FAM184A: variants seen among roughly 807,000 people sequenced by gnomAD.
FAM184A encodes the protein protein FAM184A.
Under a neutral mutation model 143.8 loss-of-function variants are expected in FAM184A, and 99 were observed. The ratio of observed to expected loss-of-function variants is 0.69; its 90% CI spans 0.58 to 0.81. The LOEUF is 0.81. FAM184A is among the 40% of genes least tolerant of loss of function. The probability of loss-of-function intolerance (pLI) is 0.00; values close to 1 mark genes in which losing one functional copy is unlikely to be tolerated. For missense variants in FAM184A, 1,217 were observed against 1,310.5 expected (o/e 0.93, Z 1.10); for synonymous variants, 427 against 446.4 (o/e 0.96, Z 0.55).
At chr6:118,994,920 T>A (rs1784501181) in intron 9 of FAM184A, among the ~76,000 whole-genome samples, 1 of 152,146 alleles carries the variant, frequency 6.6e-6, no homozygotes, top group African/African-American at 2.4e-5. Context: ...GTACAAGATA[T>A]TACACATGCA....
At chr6:118,992,395 C>T (rs1784407326) in intron 9 of FAM184A, among the ~76,000 whole-genome samples, 1 of 152,088 alleles carries the variant, frequency 6.6e-6, no homozygotes, top group South Asian at 2.1e-4. Flanking sequence ...AGCCTAACCT[C>T]CAGTGTGAGG....
intron 1 of FAM184A, among the ~76,000 whole-genome samples, chr6:119,042,610 AT>A (rs1204289631): frequency 5.3e-5 from 8 of 152,148 alleles, no homozygotes; most frequent in Admixed American, 1.3e-4. Flanking sequence ...AGCACAGAGG[AT>A]TTTTAGGGCA....
At chr6:119,093,515 T>G (rs953878691) in intron 1 of FAM184A, among the ~76,000 whole-genome samples, 2 of 152,246 alleles carry the variant, frequency 1.3e-5, no homozygotes, top group Non-Finnish European at 2.9e-5. Context: ...AGAATTTTTC[T>G]GTAATTCTTT....
At chr6:119,002,424 G>T (rs1784791816) in intron 9 of FAM184A, among the ~76,000 whole-genome samples, 1 of 152,118 alleles carries the variant, frequency 6.6e-6, no homozygotes, top group African/African-American at 2.4e-5. Context: ...ACCACCTTTT[G>T]TTTATGTTAT....
chr6:119,040,682 C>CT (rs1786294299), intron 1 of FAM184A, among the ~76,000 whole-genome samples: 1 of 152,198 alleles, frequency 6.6e-6, no homozygotes, highest in African/African-American at 2.4e-5. Context: ...GGAACTCTGG[C>CT]TTTGCTGGCT....
chr6:119,142,927 C>A (rs1478153261), intron 1 of FAM184A, among the ~76,000 whole-genome samples: 2 of 152,142 alleles, frequency 1.3e-5, no homozygotes, highest in African/African-American at 2.4e-5. Context: ...CAAGTGAGAA[C>A]ACAGACACTC....
intron 5 of FAM184A, among the ~76,000 whole-genome samples, chr6:119,013,026 G>A (rs1444321682): frequency 6.6e-6 from 1 of 152,088 alleles, no homozygotes; most frequent in Non-Finnish European, 1.5e-5. Flanking sequence ...TTTGGAAGGA[G>A]GCTGGTTTCA....
chr6:119,024,914 T>C (rs1785577869), intron 1 of FAM184A, 101 bp from the exon 2 acceptor site: 2 of 1,092,714 alleles, frequency 1.8e-6, no homozygotes, highest in Admixed American at 4.9e-5. Context: ...TCTATGCACA[T>C]AATATTGGCT....
chr6:119,073,031 T>C (rs989405885), intron 1 of FAM184A, among the ~76,000 whole-genome samples: 8 of 152,208 alleles, frequency 5.3e-5, no homozygotes, highest in African/African-American at 1.9e-4. Flanking sequence ...TAATAAAAGA[T>C]ACAGTCCCTA....
At chr6:119,068,047 G>GTT (rs148034802) in intron 1 of FAM184A, among the ~76,000 whole-genome samples, 73 of 112,242 alleles carry the variant, frequency 6.5e-4, no homozygotes, top group African/African-American at 2.4e-3. Flanking sequence ...TTGTGTGTGG[G>GTT]TTTTTTTTTT....
intron 1 of FAM184A, among the ~76,000 whole-genome samples, chr6:119,136,906 C>CCAAGATGCTG (rs1789686961): frequency 6.6e-6 from 1 of 152,058 alleles, no homozygotes; most frequent in Non-Finnish European, 1.5e-5. Flanking sequence ...CAAAGGAAAA[C>CCAAGATGCTG]CAAGATGCTG....
intron 1 of FAM184A, among the ~76,000 whole-genome samples, chr6:119,064,184 T>G (rs921628726): frequency 6.6e-6 from 1 of 152,194 alleles, no homozygotes; most frequent in African/African-American, 2.4e-5. Flanking sequence ...ATTAGCTCCA[T>G]CCTACCTCAC....
At chr6:119,122,434 A>G (rs1305148009) in intron 1 of FAM184A, among the ~76,000 whole-genome samples, 1 of 152,202 alleles carries the variant, frequency 6.6e-6, no homozygotes, top group Non-Finnish European at 1.5e-5. Context: ...CCTTTCTGAC[A>G]GTCTGGGAAG....
intron 1 of FAM184A, among the ~76,000 whole-genome samples, chr6:119,122,270 G>A (rs1386322185): frequency 3.9e-5 from 6 of 152,124 alleles, no homozygotes; most frequent in Admixed American, 2.6e-4. Flanking sequence ...CATTAATAGG[G>A]TTTCTAGAGG....
intron 1 of FAM184A, among the ~76,000 whole-genome samples, chr6:119,110,489 G>T (rs79331926): frequency 0.031 from 4,774 of 151,974 alleles, 442 homozygotes; most frequent in Admixed American, 0.19. Flanking sequence ...TTTTAGTTGG[G>T]TACACGGTGG....
At chr6:119,140,298 TC>T (rs1772183831) in intron 1 of FAM184A, among the ~76,000 whole-genome samples, 2 of 152,170 alleles carry the variant, frequency 1.3e-5, no homozygotes, top group South Asian at 4.1e-4. Flanking sequence ...TGGCCACGTG[TC>T]TTTATTGTTT....
chr6:119,053,975 G>A (rs1333244444), intron 1 of FAM184A, among the ~76,000 whole-genome samples: 2 of 152,050 alleles, frequency 1.3e-5, no homozygotes, highest in Non-Finnish European at 2.9e-5. Flanking sequence ...CGAATATTAC[G>A]ATGTGCTCCC....
rs1049753926 is a variant in FAM184A, at chr6:118,984,007, G to A, written c.2089-3657C>T. On this transcript the variant is annotated intron_variant, in intron 9 of 17. Coordinates refer to ENST00000338891, the MANE Select transcript of FAM184A (RefSeq NM_024581.6). ...CTACTAAAAATACAAAAAATTAGCC[G>A]GGAGTGGTGGCGGGCGCCTGTAATC... Among the ~76,000 whole-genome samples the A allele has an allele frequency of 6.0e-5, 9 of 150,584 alleles. No homozygotes were observed. The South Asian group carries it at 1.1e-3, about 18-fold the overall frequency.
chr6:118,988,555 ACC>A (rs1290275714), intron 9 of FAM184A, among the ~76,000 whole-genome samples: 2 of 152,222 alleles, frequency 1.3e-5, no homozygotes, highest in East Asian at 3.8e-4. Context: ...TGCGGTGAAA[ACC>A]GCCAACACTA....
Sources: allele counts gnomAD v4.1 joint callset (sites outside exome capture counted in the v4.1 genomes callset), GRCh38; gene constraint gnomAD v4.1.1; transcripts MANE v1.5; gene names NCBI Gene and HGNC (gene_info 2026-07-23, HGNC 2026-07-21).